OTUD7A: variants seen among roughly 807,000 people sequenced by gnomAD.
OTUD7A encodes OTU domain-containing protein 7A.
A neutral mutation model predicts 65.7 loss-of-function variants in OTUD7A; 12 were observed. The observed-to-expected ratio is 0.18, with a 90% CI of 0.12 to 0.30. OTUD7A has a LOEUF of 0.30. OTUD7A is among the 10% of genes least tolerant of loss of function. The pLI, the probability that OTUD7A is intolerant of heterozygous loss-of-function variation, is 1.00. For synonymous variants in OTUD7A, 641 were observed against 586.3 expected, an observed-to-expected ratio of 1.09 and a Z score of -1.35; for missense variants, 1,148 against 1,304.8, an observed-to-expected ratio of 0.88 and a Z score of 1.85.
chr15:31,648,085 G>A (rs1891730798), intron 3 of OTUD7A, among the ~76,000 whole-genome samples: 1 of 152,108 alleles, frequency 6.6e-6, no homozygotes, highest in African/African-American at 2.4e-5. Context: ...AGGAAATGGA[G>A]TTACCTGACT....
At chr15:31,496,884 G>A (rs2141075769) in intron 10 of OTUD7A, among the ~76,000 whole-genome samples, 1 of 152,252 alleles carries the variant, frequency 6.6e-6, no homozygotes, top group East Asian at 1.9e-4. Flanking sequence ...GAGACAAATT[G>A]GTAAGCTGCT....
At chr15:31,511,986 C>T (rs1370279790) in intron 8 of OTUD7A, among the ~76,000 whole-genome samples, 1 of 152,062 alleles carries the variant, frequency 6.6e-6, no homozygotes, top group African/African-American at 2.4e-5. Flanking sequence ...TTTAAGACAT[C>T]CTGGCTAAGA....
intron 1 of OTUD7A, among the ~76,000 whole-genome samples, chr15:31,739,383 G>A (rs1249436721): frequency 6.6e-6 from 1 of 152,064 alleles, no homozygotes; most frequent in Admixed American, 6.6e-5. Flanking sequence ...AAAAATTAAT[G>A]AAATAAAATG....
rs137969849 is a variant in OTUD7A at position 31,780,862 on chromosome 15, T to A, written c.-100+89645A>T. Among the ~76,000 whole-genome samples the A allele has an allele frequency of 3.3e-5, 5 of 152,338 alleles. No individual in the cohort carries two copies. In the East Asian group the frequency reaches 9.6e-4, roughly 29 times the overall value. On this transcript the variant is annotated intron_variant, in intron 1 of 12. Transcript: ENST00000307050. ...CCATTCAATGTCTTGCATGTTCATGTTCTAAAAAGTCAACAGCTTCTGTCA... is the reference window on the plus strand; with the variant it reads ...CCATTCAATGTCTTGCATGTTCATGATCTAAAAAGTCAACAGCTTCTGTCA...
chr15:31,637,369 A>G (rs572094804), intron 3 of OTUD7A, among the ~76,000 whole-genome samples: 10 of 152,350 alleles, frequency 6.6e-5, no homozygotes, highest in Non-Finnish European at 1.2e-4. Context: ...TTTTAAGCTC[A>G]TTGCTGAGAC....
At chr15:31,791,795 T>G (rs564084915) in intron 1 of OTUD7A, among the ~76,000 whole-genome samples, 2 of 152,206 alleles carry the variant, frequency 1.3e-5, no homozygotes, top group Non-Finnish European at 2.9e-5. Context: ...CCTCTCCTGG[T>G]CCTCCTCCTT....
At chr15:31,548,469 G>A (rs189687829) in intron 5 of OTUD7A, among the ~76,000 whole-genome samples, 414 of 152,208 alleles carry the variant, frequency 2.7e-3, no homozygotes, top group Non-Finnish European at 3.4e-3. Flanking sequence ...AGTTCCCAAC[G>A]CTCTGAGCTG....
At chr15:31,792,653 C>G (rs1276973886) in intron 1 of OTUD7A, among the ~76,000 whole-genome samples, 1 of 152,226 alleles carries the variant, frequency 6.6e-6, no homozygotes, top group Non-Finnish European at 1.5e-5. Flanking sequence ...CTCTCTCTCA[C>G]AGCAGACTGT....
At chr15:31,839,681 T>C (rs1022167515) in intron 1 of OTUD7A, among the ~76,000 whole-genome samples, 2 of 152,166 alleles carry the variant, frequency 1.3e-5, no homozygotes, top group South Asian at 4.2e-4. Flanking sequence ...AAAAAGTGGG[T>C]TGAGAAACTA....
At chr15:31,686,357 T>C (rs1440095864) in intron 1 of OTUD7A, among the ~76,000 whole-genome samples, 1 of 152,126 alleles carries the variant, frequency 6.6e-6, no homozygotes, top group African/African-American at 2.4e-5. Flanking sequence ...AGAGCTCAGG[T>C]TTCCAAGTGG....
intron 1 of OTUD7A, among the ~76,000 whole-genome samples, chr15:31,697,696 G>A (rs991788885): frequency 1.8e-4 from 27 of 152,238 alleles, no homozygotes; most frequent in Admixed American, 8.5e-4. Context: ...ACAACCCCGC[G>A]CTGCAGGGGC....
chr15:31,752,539 T>C (rs12899567), intron 1 of OTUD7A, among the ~76,000 whole-genome samples: 116,332 of 152,052 alleles, frequency 0.77, 44,598 homozygotes, highest in South Asian at 0.82. Context: ...ATGAATCTTT[T>C]ATTCATGCAT....
At chr15:31,528,257 C>T (rs938308766) in intron 6 of OTUD7A, among the ~76,000 whole-genome samples, 1 of 152,146 alleles carries the variant, frequency 6.6e-6, no homozygotes, top group African/African-American at 2.4e-5. Context: ...TGAATGGAGA[C>T]ATAGGAGCAA....
At chr15:31,641,277 G>A (rs1323811542) in intron 3 of OTUD7A, among the ~76,000 whole-genome samples, 1 of 152,140 alleles carries the variant, frequency 6.6e-6, no homozygotes, top group Non-Finnish European at 1.5e-5. Context: ...GTTTCCTGAG[G>A]CCTCCCCAGT....
intron 5 of OTUD7A, among the ~76,000 whole-genome samples, chr15:31,553,444 T>C (rs1888390674): frequency 6.6e-6 from 1 of 152,114 alleles, no homozygotes; most frequent in South Asian, 2.1e-4. Flanking sequence ...GGTTTCACTT[T>C]AGGGCACTAA....
At chr15:31,593,877 C>T (rs1889828306) in intron 3 of OTUD7A, among the ~76,000 whole-genome samples, 1 of 152,178 alleles carries the variant, frequency 6.6e-6, no homozygotes, top group Non-Finnish European at 1.5e-5. Context: ...CTACTATTGC[C>T]TCAGTGCAGG....
intron 1 of OTUD7A, among the ~76,000 whole-genome samples, chr15:31,861,718 A>G (rs923212984): frequency 6.6e-6 from 1 of 152,024 alleles, no homozygotes. Flanking sequence ...ATTCTAGGAC[A>G]TATTTCCAAG....
In OTUD7A at chr15:31,605,576, T is replaced by C. The variant is rs114275350; in HGVS notation, c.152-35379A>G. Among the ~76,000 whole-genome samples the C allele has an allele frequency of 2.9e-3, 441 of 152,308 alleles. 6 individuals are homozygous for C. Among genetic ancestry groups the C allele is most frequent in the African/African-American group, 1.0e-2 (414 of 41,564 alleles). On this transcript the variant is annotated intron_variant, in intron 3 of 12. Coordinates refer to ENST00000307050, the MANE Select transcript of OTUD7A (RefSeq NM_001382637.1). Reference sequence around the variant, plus strand: ...TTCCCTGGCTGTGAGGGGCTTCCTATTGGGCAAAGCCATTAGGGGGCGCCT... The same window carrying C: ...TTCCCTGGCTGTGAGGGGCTTCCTACTGGGCAAAGCCATTAGGGGGCGCCT...
At chr15:31,866,164 C>A (rs1472808165) in intron 1 of OTUD7A, among the ~76,000 whole-genome samples, 1 of 152,210 alleles carries the variant, frequency 6.6e-6, no homozygotes, top group Non-Finnish European at 1.5e-5. Context: ...TTGCTAATAG[C>A]AAGGACTGGG....
Sources: gnomAD v4.1 joint callset for allele counts (sites outside exome capture counted in the v4.1 genomes callset) on GRCh38, gnomAD v4.1.1 for gene constraint, MANE v1.5 for transcripts, NCBI Gene and HGNC (gene_info 2026-07-23, HGNC 2026-07-21) for gene names.